Variants in COL22A1 observed in about 807,000 individuals in gnomAD.
COL22A1 encodes the protein collagen type XXII alpha 1 chain, also known as collagen alpha-1(XXII) chain.
A neutral mutation model predicts 248.9 loss-of-function variants in COL22A1; 221 were observed. That is an observed-to-expected ratio of 0.89 (90% CI 0.80 to 0.99). The LOEUF (loss-of-function observed/expected upper bound fraction) is 0.99, where lower values mean the gene tolerates loss of function less well. Among genes scored for constraint, COL22A1 ranks in the 50% least tolerant of loss-of-function variants. COL22A1 has a pLI of 0.00. For synonymous variants in COL22A1, 891 were observed against 793.4 expected (o/e 1.12, Z -2.07); for missense variants, 2,240 against 2,179.0 (o/e 1.03, Z -0.56).
chr8:138,639,069 C>T (rs961537472), intron 47 of COL22A1, among the ~76,000 whole-genome samples: 1 of 152,158 alleles, frequency 6.6e-6, no homozygotes, highest in Non-Finnish European at 1.5e-5. Context: ...CATGATATCC[C>T]ATTACATATA....
chr8:138,684,758 G>A (rs548719900), intron 38 of COL22A1, among the ~76,000 whole-genome samples: 9 of 152,288 alleles, frequency 5.9e-5, no homozygotes, highest in Non-Finnish European at 7.3e-5. Context: ...GCGCAAGTAA[G>A]GGGCAAGGCC....
chr8:138,807,697 T>G, intron 10 of COL22A1, 71 bp downstream of exon 10: 1 of 1,428,172 alleles, frequency 7.0e-7, no homozygotes, highest in Non-Finnish European at 9.7e-7. Flanking sequence ...CACCATCTTT[T>G]GTCTTATATA....
intron 15 of COL22A1, chr8:138,778,090 G>C (rs892207992): frequency 3.7e-6 from 2 of 538,572 alleles, no homozygotes; most frequent in Non-Finnish European, 6.7e-6. Flanking sequence ...GGTTAAAAAT[G>C]CAGATTCCTG....
chr8:138,731,389 T>C (rs1204926999), intron 23 of COL22A1, among the ~76,000 whole-genome samples: 1 of 151,554 alleles, frequency 6.6e-6, no homozygotes, highest in South Asian at 2.1e-4. Context: ...ATGAGACAAA[T>C]ATGAGAGCAG....
intron 29 of COL22A1, 58 bp downstream of exon 29, chr8:138,716,169 G>A: frequency 1.5e-6 from 2 of 1,350,176 alleles, no homozygotes; most frequent in East Asian, 5.0e-5. Flanking sequence ...ACAGGGGGCT[G>A]CTCTCTGTGG....
intron 51 of COL22A1, among the ~76,000 whole-genome samples, 188 bp downstream of exon 51, chr8:138,626,002 T>A (rs905205663): frequency 6.6e-6 from 1 of 152,230 alleles, no homozygotes; most frequent in African/African-American, 2.4e-5. Context: ...TAAGACTGAT[T>A]CTACCCAAAT....
chr8:138,676,208 A>G (rs545424231), intron 41 of COL22A1, among the ~76,000 whole-genome samples: 1 of 152,074 alleles, frequency 6.6e-6, no homozygotes, highest in South Asian at 2.1e-4. Context: ...GAGCCTGGCC[A>G]ACACAGTGAA....
At chr8:138,645,608 C>T (rs896198428) in intron 47 of COL22A1, among the ~76,000 whole-genome samples, 1 of 152,132 alleles carries the variant, frequency 6.6e-6, no homozygotes. Context: ...GCAGTTGGCA[C>T]AGTAATAAGC....
intron 9 of COL22A1, among the ~76,000 whole-genome samples, chr8:138,810,849 C>T (rs7838300): frequency 0.46 from 69,640 of 152,000 alleles, 16,488 homozygotes; most frequent in Middle Eastern, 0.56. Context: ...TAACTCCCAC[C>T]GTCATCTCGT....
At chr8:138,661,733 A>G (rs13248529) in intron 43 of COL22A1, among the ~76,000 whole-genome samples, 99,948 of 149,530 alleles carry the variant, frequency 0.67, 34,102 homozygotes, top group Non-Finnish European at 0.76. Flanking sequence ...AGAACTGACT[A>G]GGGTATGTAA....
chr8:138,893,121 C>T (rs572327238), intron 1 of COL22A1, among the ~76,000 whole-genome samples: 2 of 152,320 alleles, frequency 1.3e-5, no homozygotes, highest in South Asian at 4.1e-4. Flanking sequence ...CCTTGGAGCC[C>T]AACCAAGCTT....
At chr8:138,601,429 G>A (rs991329920) in intron 60 of COL22A1, among the ~76,000 whole-genome samples, 2 of 152,096 alleles carry the variant, frequency 1.3e-5, no homozygotes, top group African/African-American at 2.4e-5. Context: ...GAAAACAAGC[G>A]GGGGTGGGCT....
At chr8:138,907,027 C>G (rs1424923625) in intron 1 of COL22A1, among the ~76,000 whole-genome samples, 1 of 152,194 alleles carries the variant, frequency 6.6e-6, no homozygotes, top group Admixed American at 6.5e-5. Flanking sequence ...CAGGACCCGG[C>G]TACTCTGTGG....
At chr8:138,788,917 C>T (rs1177913496) in intron 12 of COL22A1, among the ~76,000 whole-genome samples, 2 of 152,184 alleles carry the variant, frequency 1.3e-5, no homozygotes, top group East Asian at 3.8e-4. Context: ...GGTTACAGGG[C>T]TAAGTAACTG....
chr8:138,887,327 C>T (rs1236993493), intron 1 of COL22A1, among the ~76,000 whole-genome samples: 2 of 151,802 alleles, frequency 1.3e-5, no homozygotes, highest in Non-Finnish European at 2.9e-5. Context: ...TGGGTTCAAG[C>T]AATTCTCTGC....
intron 22 of COL22A1, among the ~76,000 whole-genome samples, chr8:138,745,986 G>A (rs927725370): frequency 2.0e-5 from 3 of 152,208 alleles, no homozygotes; most frequent in Non-Finnish European, 2.9e-5. Flanking sequence ...GACTGCTACC[G>A]CCCTCCAGCA....
intron 56 of COL22A1, among the ~76,000 whole-genome samples, chr8:138,610,589 C>T (rs1442710004): frequency 6.6e-6 from 1 of 152,218 alleles, no homozygotes; most frequent in Admixed American, 6.5e-5. Context: ...TATCAGATTC[C>T]TTATGATGTA....
intron 56 of COL22A1, among the ~76,000 whole-genome samples, chr8:138,611,495 G>A (rs374036461): frequency 3.9e-5 from 6 of 152,296 alleles, no homozygotes; most frequent in African/African-American, 1.4e-4. Context: ...CTCTGGAGCA[G>A]GGTTTCTCAA....
chr8:138,817,969 G>A (rs1818809673), intron 7 of COL22A1, among the ~76,000 whole-genome samples: 1 of 152,172 alleles, frequency 6.6e-6, no homozygotes, highest in African/African-American at 2.4e-5. Flanking sequence ...GGGATGTGGG[G>A]CTATTTGCTA....
Sources: allele counts gnomAD v4.1 joint callset (sites outside exome capture counted in the v4.1 genomes callset), GRCh38; gene constraint gnomAD v4.1.1; transcripts MANE v1.5; gene names NCBI Gene and HGNC (gene_info 2026-07-23, HGNC 2026-07-21).